RIT2: variants seen among roughly 807,000 people sequenced by gnomAD.
The protein encoded by RIT2 is GTP-binding protein Rit2.
RIT2 carries 24 observed loss-of-function variants against 23.7 expected under a neutral mutation model. The observed-to-expected ratio is 1.01, with a 90% CI of 0.73 to 1.43. The LOEUF (loss-of-function observed/expected upper bound fraction) is 1.43, where lower values mean the gene tolerates loss of function less well. Among genes scored for constraint, RIT2 ranks in the 40% most tolerant of loss-of-function variants. RIT2 has a pLI of 0.00. For missense variants in RIT2, 236 were observed against 266.9 expected (o/e 0.88, Z 0.81); for synonymous variants, 107 against 91.1 (o/e 1.17, Z -0.99).
At chr18:43,049,510 C>T (rs1912326743) in intron 1 of RIT2, among the ~76,000 whole-genome samples, 2 of 152,090 alleles carry the variant, frequency 1.3e-5, no homozygotes, top group Non-Finnish European at 2.9e-5. Context: ...TAAATTCTAT[C>T]TTCAAGGAAC....
At chr18:42,779,883 C>T (rs1449878424) in intron 4 of RIT2, among the ~76,000 whole-genome samples, 1 of 151,948 alleles carries the variant, frequency 6.6e-6, no homozygotes, top group Non-Finnish European at 1.5e-5. Context: ...ACTTAATATC[C>T]AAGGATCTTG....
Position 42,978,224 on chromosome 18 carries a change from T to C in RIT2, c.161-4077A>G, listed in dbSNP as rs535222326. The stretch of plus-strand genomic sequence containing the variant: ...CATGAAACGTATATCAAATAAAAGC[T>C]TCTCTTGGGATCAGAAAATCCCTTC... On this transcript the variant is annotated intron_variant, in intron 2 of 4. Transcript: ENST00000326695. Among the ~76,000 whole-genome samples the C allele has an allele frequency of 1.6e-4, 25 of 152,054 alleles. No individual in the cohort carries two copies. In the South Asian group the frequency reaches 5.0e-3, roughly 30 times the overall value.
intron 4 of RIT2, among the ~76,000 whole-genome samples, chr18:42,822,024 T>G (rs142595166): frequency 6.6e-6 from 1 of 152,076 alleles, no homozygotes; most frequent in East Asian, 1.9e-4. Context: ...GGATCCTAAA[T>G]TAGTCTGGAT....
Position 42,877,009 on chromosome 18 carries a change from G to A in RIT2, c.426+46563C>T, listed in dbSNP as rs74400222. 3.0e-3 allele frequency among the ~76,000 whole-genome samples: 460 copies of A among 151,696 alleles called. 6 individuals are homozygous for A. The East Asian group carries it at 0.053, about 17-fold the overall frequency. On this transcript the variant is annotated intron_variant, in intron 4 of 4. Transcript: ENST00000326695. ...TACTCCCTGTACTAAAGAATGGCAC[G>A]GAGAATTAGCCACAGAGAACATTTA...
chr18:42,940,704 G>C (rs1463429162), intron 3 of RIT2, among the ~76,000 whole-genome samples: 1 of 152,052 alleles, frequency 6.6e-6, no homozygotes, highest in African/African-American at 2.4e-5. Flanking sequence ...GTATTAAAAG[G>C]CATCAATAAT....
At chr18:42,796,082 C>T (rs145572302) in intron 4 of RIT2, among the ~76,000 whole-genome samples, 1,665 of 152,254 alleles carry the variant, frequency 0.011, 20 homozygotes, top group Non-Finnish European at 0.016. Flanking sequence ...AGGTCCTCTT[C>T]CACACTGTGG....
intron 1 of RIT2, among the ~76,000 whole-genome samples, chr18:43,105,488 G>GAGA (rs879445292): frequency 0.2 from 27,766 of 135,698 alleles, 4,175 homozygotes; most frequent in East Asian, 0.26. Context: ...AAGGGAGGAA[G>GAGA]GGAGGAAGAA....
chr18:42,929,819 A>T (rs1353117497), intron 3 of RIT2, among the ~76,000 whole-genome samples: 2 of 152,170 alleles, frequency 1.3e-5, no homozygotes, highest in Non-Finnish European at 2.9e-5. Flanking sequence ...AACAGCCAGG[A>T]GCACATGTGA....
intron 3 of RIT2, among the ~76,000 whole-genome samples, chr18:42,956,205 A>G (rs1334151547): frequency 1.3e-5 from 2 of 152,150 alleles, no homozygotes; most frequent in Non-Finnish European, 2.9e-5. Flanking sequence ...CTTAGCACCA[A>G]AAGAGCAATG....
intron 2 of RIT2, among the ~76,000 whole-genome samples, chr18:43,003,761 GACACACACAC>G (rs56860348): frequency 0.28 from 35,736 of 129,418 alleles, 5,251 homozygotes; most frequent in East Asian, 0.66. Context: ...CCTCCTCAGT[GACACACACAC>G]ACACACACAC....
intron 3 of RIT2, among the ~76,000 whole-genome samples, chr18:42,956,645 C>T (rs1371387011): frequency 6.6e-6 from 1 of 151,996 alleles, no homozygotes; most frequent in Non-Finnish European, 1.5e-5. Flanking sequence ...AGGAGCAGTA[C>T]CATCAATGGG....
At chr18:43,046,778 C>T (rs552797206) in intron 1 of RIT2, among the ~76,000 whole-genome samples, 1 of 152,258 alleles carries the variant, frequency 6.6e-6, no homozygotes, top group South Asian at 2.1e-4. Context: ...AAACAACATA[C>T]TTTAGTATAT....
intron 4 of RIT2, among the ~76,000 whole-genome samples, chr18:42,836,089 T>C (rs1316915086): frequency 6.6e-6 from 1 of 152,222 alleles, no homozygotes; most frequent in Non-Finnish European, 1.5e-5. Flanking sequence ...TCAAAGTTGT[T>C]GGAAGAAAGA....
chr18:42,980,459 T>C (rs1910573584), intron 2 of RIT2, among the ~76,000 whole-genome samples: 1 of 152,046 alleles, frequency 6.6e-6, no homozygotes, highest in African/African-American at 2.4e-5. Flanking sequence ...GGGATGCTGA[T>C]TGGTGTCAAC....
chr18:42,945,393 G>A (rs1598725549), intron 3 of RIT2, among the ~76,000 whole-genome samples: 2 of 151,494 alleles, frequency 1.3e-5, no homozygotes, highest in South Asian at 2.1e-4. Flanking sequence ...AAAATGTTGG[G>A]TTATCAGTTT....
rs80036468 is a variant in RIT2, at chr18:43,025,226, C to A, written c.160+8585G>T. 4.2e-3 allele frequency among the ~76,000 whole-genome samples: 458 copies of A among 108,548 alleles called. 2 individuals are homozygous for A. The highest frequency in any genetic ancestry group is 0.01 in the African/African-American group (313 of 30,642). 71.2% of individuals were successfully genotyped at this position (108,548 alleles called of 152,430 possible). A position where few individuals can be genotyped will look rare whatever the true frequency, so the allele number is the denominator to read the frequency against. On this transcript the variant is annotated intron_variant, in intron 2 of 4. Transcript: ENST00000326695. ...TCTGTCTAAAAAAAACAAAACAAAA[C>A]AAAAAAAAAACAAAAAAAAAAACAG...
rs1913300925 is a variant in RIT2, at chr18:43,087,070, C to CA, written c.103+28346dup. The stretch of plus-strand genomic sequence containing the variant: ...CTGGAGACCAGCCTGGCCAACATAG[C>CA]AAAATCCTGTCTCTACTAAAAATAC... On this transcript the variant is annotated intron_variant, in intron 1 of 4. Transcript: ENST00000326695. Among the ~76,000 whole-genome samples, 3 of 151,962 alleles carry CA rather than the reference C, an allele frequency of 2.0e-5. No homozygotes were observed. The South Asian group carries it at 6.2e-4, about 32-fold the overall frequency.
chr18:42,901,839 G>A (rs1467569003), intron 4 of RIT2, among the ~76,000 whole-genome samples: 2 of 151,870 alleles, frequency 1.3e-5, no homozygotes, highest in South Asian at 2.1e-4. Context: ...GAATTTTGCT[G>A]TATTGTCAAA....
At chr18:42,770,684 T>C (rs564292712) in intron 4 of RIT2, among the ~76,000 whole-genome samples, 47 of 152,266 alleles carry the variant, frequency 3.1e-4, no homozygotes, top group Non-Finnish European at 4.7e-4. Flanking sequence ...ATTTTCTACT[T>C]TTGCATGCCA....
Sources: gnomAD v4.1 joint callset for allele counts (sites outside exome capture counted in the v4.1 genomes callset) on GRCh38, gnomAD v4.1.1 for gene constraint, MANE v1.5 for transcripts, NCBI Gene and HGNC (gene_info 2026-07-23, HGNC 2026-07-21) for gene names.